PDLIM5: variants seen among roughly 807,000 people sequenced by gnomAD.
PDLIM5 encodes PDZ and LIM domain protein 5.
A neutral mutation model predicts 64.2 loss-of-function variants in PDLIM5; 34 were observed. The observed-to-expected ratio is 0.53, with a 90% CI of 0.40 to 0.71. PDLIM5 has a LOEUF of 0.71. Ranked by LOEUF, PDLIM5 falls within the 30% of genes least tolerant of loss-of-function variation. The probability of loss-of-function intolerance (pLI) is 0.00; values close to 1 mark genes in which losing one functional copy is unlikely to be tolerated. For missense variants in PDLIM5, 683 were observed against 733.6 expected (o/e 0.93, Z 0.80); for synonymous variants, 253 against 269.1 (o/e 0.94, Z 0.59).
At chr4:94,574,369 G>A (rs10019142) in intron 4 of PDLIM5, among the ~76,000 whole-genome samples, 67,368 of 151,530 alleles carry the variant, frequency 0.44, 15,692 homozygotes, top group South Asian at 0.76. Flanking sequence ...ATGGTGTCAC[G>A]CATCTGTAGT....
intron 7 of PDLIM5, among the ~76,000 whole-genome samples, chr4:94,600,127 A>T (rs995106536): frequency 1.3e-5 from 2 of 152,224 alleles, no homozygotes; most frequent in Non-Finnish European, 2.9e-5. Flanking sequence ...AGTCCATTAC[A>T]GGAAAATGGA....
chr4:94,608,185 T>C (rs1253374668), intron 7 of PDLIM5: 1 of 1,522,828 alleles, frequency 6.6e-7, no homozygotes, highest in South Asian at 1.2e-5. Context: ...CTAGGTAGAC[T>C]CTTCCTTCTT....
intron 2 of PDLIM5, among the ~76,000 whole-genome samples, chr4:94,522,284 T>C: frequency 6.6e-6 from 1 of 152,244 alleles, no homozygotes; most frequent in Non-Finnish European, 1.5e-5. Context: ...CTTTCAGAAC[T>C]GTTTTCTTTA....
intron 8 of PDLIM5, among the ~76,000 whole-genome samples, 166 bp downstream of exon 8, chr4:94,618,357 T>G (rs1034498765): frequency 2.0e-5 from 3 of 152,234 alleles, no homozygotes; most frequent in African/African-American, 2.4e-5. Flanking sequence ...CTCTGAGACA[T>G]CTCATAAACA....
chr4:94,593,674 G>A (rs1203799608), intron 7 of PDLIM5, among the ~76,000 whole-genome samples: 1 of 152,106 alleles, frequency 6.6e-6, no homozygotes, highest in Non-Finnish European at 1.5e-5. Context: ...TCTCCAAATA[G>A]TCACATTGTG....
chr4:94,461,907 C>T (rs1264602464), intron 2 of PDLIM5, among the ~76,000 whole-genome samples: 1 of 152,176 alleles, frequency 6.6e-6, no homozygotes, highest in African/African-American at 2.4e-5. Context: ...GCGTGTCACC[C>T]AGGCGGGAGT....
Position 94,561,276 on chromosome 4 carries a change from A to G in PDLIM5, c.249-12075A>G, listed in dbSNP as rs377627630. 1.2e-4 allele frequency among the ~76,000 whole-genome samples: 19 copies of G among 152,326 alleles called. No homozygotes were observed. In the East Asian group the frequency reaches 2.7e-3, roughly 22 times the overall value. On this transcript the variant is annotated intron_variant, in intron 3 of 12. Coordinates refer to ENST00000317968, the MANE Select transcript of PDLIM5 (RefSeq NM_006457.5). The stretch of plus-strand genomic sequence containing the variant: ...GAGCTTGAAGAGATCTTGTGGGCCA[A>G]TTGATCCTTCCCTTCCTCAAGAATC...
chr4:94,500,064 C>T (rs1727776667), intron 2 of PDLIM5, among the ~76,000 whole-genome samples: 1 of 152,166 alleles, frequency 6.6e-6, no homozygotes, highest in Non-Finnish European at 1.5e-5. Flanking sequence ...TGCAGGGGGT[C>T]TTGGAACCAA....
chr4:94,611,309 A>G, intron 7 of PDLIM5: 1 of 940,358 alleles, frequency 1.1e-6, no homozygotes, highest in Non-Finnish European at 1.6e-6. Flanking sequence ...CTAGAGTTCT[A>G]GGGATTTGTG....
In PDLIM5 at chr4:94,665,506, A is replaced by T. The variant is rs1430723757; in HGVS notation, c.*1439A>T. ...TAAAAAAAAAAAAAAAAAAAAAAAA[A>T]GAGAGAGAGAGAATAAATAGAAAAG... On this transcript the variant is annotated 3_prime_UTR_variant, in exon 13 of 13. Transcript: ENST00000317968. The T allele has an allele frequency of 2.8e-5, 18 of 652,310 alleles. No individual in the cohort carries two copies. Among genetic ancestry groups the T allele is most frequent in the Non-Finnish European group, 3.3e-5 (18 of 544,994 alleles). The allele number at this position is 652,310 out of a possible 1,614,324, so 40.4% of individuals were successfully genotyped here.
chr4:94,607,810 G>T (rs1445135502), intron 7 of PDLIM5, among the ~76,000 whole-genome samples: 1 of 152,076 alleles, frequency 6.6e-6, no homozygotes, highest in East Asian at 1.9e-4. Flanking sequence ...CTTTTCCCCT[G>T]TAAGCGTAAT....
chr4:94,483,270 T>C (rs912093645), intron 2 of PDLIM5, among the ~76,000 whole-genome samples: 1 of 152,176 alleles, frequency 6.6e-6, no homozygotes, highest in Non-Finnish European at 1.5e-5. Flanking sequence ...AAAATTAGTG[T>C]TAATTAAAAA....
intron 8 of PDLIM5, among the ~76,000 whole-genome samples, chr4:94,636,593 C>T (rs1405119439): frequency 1.4e-5 from 2 of 142,596 alleles, no homozygotes; most frequent in Non-Finnish European, 3.0e-5. Context: ...GGCTGGAGTG[C>T]AGTGGTGCGA....
chr4:94,608,082 T>A, intron 7 of PDLIM5: 4 of 1,531,920 alleles, frequency 2.6e-6, no homozygotes, highest in Non-Finnish European at 3.5e-6. Flanking sequence ...CTGGAAGACC[T>A]ACCTAAGAGT....
chr4:94,543,778 C>CTGTGTGTGTG (rs60929032), intron 3 of PDLIM5, among the ~76,000 whole-genome samples: 38 of 132,136 alleles, frequency 2.9e-4, no homozygotes, highest in Admixed American at 1.2e-3. Context: ...TAGTATTCCA[C>CTGTGTGTGTG]TGTGTGTGTG....
chr4:94,557,100 A>C (rs1266058451), intron 3 of PDLIM5, among the ~76,000 whole-genome samples: 3 of 152,136 alleles, frequency 2.0e-5, no homozygotes, highest in Non-Finnish European at 4.4e-5. Context: ...TAAGGAAGGG[A>C]TCCAGTTTCA....
chr4:94,592,969 A>G (rs919876283), intron 7 of PDLIM5, among the ~76,000 whole-genome samples: 5 of 152,008 alleles, frequency 3.3e-5, no homozygotes, highest in Non-Finnish European at 5.9e-5. Context: ...CGCCCTCTCC[A>G]CTGCCCCACC....
At chr4:94,608,020 A>G (rs1738066650) in intron 7 of PDLIM5, 2 of 1,425,980 alleles carry the variant, frequency 1.4e-6, no homozygotes, top group Non-Finnish European at 1.9e-6. Context: ...TTTCATTAAT[A>G]TTTCCTTTGC....
rs202092014 is a variant in PDLIM5, at chr4:94,586,424, C to T, written c.900C>T (p.Ala300=). 1.3e-5 allele frequency: 20 copies of T among 1,518,198 alleles called. No homozygotes were observed. The highest frequency in any genetic ancestry group is 3.5e-5 in the Admixed American group (2 of 57,700). 94.0% of individuals were successfully genotyped at this position (1,518,198 alleles called of 1,614,324 possible). Residue 300 remains alanine (A), a synonymous_variant, in exon 7 of 13, where the codon GCC becomes GCT. Transcript: ENST00000317968. ...ATATTTCAGTGAAAGAATCTGAAGCCGATAATACAAAGAAGGCAAAGTAAG... is the reference window on the plus strand; with the variant it reads ...ATATTTCAGTGAAAGAATCTGAAGCTGATAATACAAAGAAGGCAAAGTAAG... ...TGTEHLKESE[A]DNTKKANNSQ...
Sources: allele counts gnomAD v4.1 joint callset (sites outside exome capture counted in the v4.1 genomes callset), GRCh38; gene constraint gnomAD v4.1.1; transcripts MANE v1.5; gene names NCBI Gene and HGNC (gene_info 2026-07-23, HGNC 2026-07-21).